The following CEP290 variants were observed in gnomAD, a reference collection of about 807,000 sequenced individuals.
The protein encoded by CEP290 is centrosomal protein 290.
CEP290 carries 317 observed loss-of-function variants against 344.9 expected under a neutral mutation model. That is an observed-to-expected ratio of 0.92 (90% CI 0.84 to 1.01). The LOEUF is 1.01. Among genes scored for constraint, CEP290 ranks in the 50% least tolerant of loss-of-function variants. CEP290 has a pLI of 0.00. For synonymous variants in CEP290, 932 were observed against 895.8 expected, an observed-to-expected ratio of 1.04 and a Z score of -0.72; for missense variants, 2,754 against 2,761.4, an observed-to-expected ratio of 1.00 and a Z score of 0.06.
chr12:88,119,713 C>T (rs1380950158), intron 15 of CEP290, among the ~76,000 whole-genome samples: 1 of 151,968 alleles, frequency 6.6e-6, no homozygotes, highest in African/African-American at 2.4e-5. Flanking sequence ...GCAGGAGAAT[C>T]ACAACACAGA....
At chr12:88,119,390 TTAAAA>T (rs1458027435) in intron 15 of CEP290, among the ~76,000 whole-genome samples, 2 of 152,166 alleles carry the variant, frequency 1.3e-5, no homozygotes, top group East Asian at 3.9e-4. Context: ...AGGCTATTTA[TTAAAA>T]TAAATATATA....
intron 44 of CEP290, among the ~76,000 whole-genome samples, chr12:88,064,754 G>A (rs896741844): frequency 3.9e-5 from 6 of 152,082 alleles, no homozygotes; most frequent in Non-Finnish European, 7.4e-5. Context: ...ATTGTGCAGA[G>A]GAAATCAACC....
intron 13 of CEP290, among the ~76,000 whole-genome samples, chr12:88,123,495 TTC>T (rs1471437565): frequency 3.3e-5 from 5 of 152,096 alleles, no homozygotes; most frequent in African/African-American, 1.2e-4. Context: ...AAGCAGTTGT[TTC>T]TTCTTCCTTG....
At chr12:88,141,130 AAAAT>A in intron 2 of CEP290, 72 bp downstream of exon 2, 1 of 1,311,240 alleles carries the variant, frequency 7.6e-7, no homozygotes, top group Non-Finnish European at 1.0e-6. Context: ...GTCCCTGAAA[AAAAT>A]AAATTCATAT....
intron 41 of CEP290, 78 bp from the exon 42 acceptor site, chr12:88,072,004 G>A (rs2035414737): frequency 1.5e-6 from 2 of 1,304,950 alleles, no homozygotes; most frequent in Non-Finnish European, 2.0e-6. Context: ...ATTATAATTT[G>A]CCTAGAAAAA....
chr12:88,096,762 C>T (rs933734131), intron 27 of CEP290, 126 bp downstream of exon 27: 2 of 562,748 alleles, frequency 3.6e-6, no homozygotes, highest in African/African-American at 3.9e-5. Context: ...AATTATTAGG[C>T]AGAAAGTTCT....
intron 18 of CEP290, among the ~76,000 whole-genome samples, chr12:88,116,545 GT>G (rs1228331923): frequency 6.6e-6 from 1 of 152,144 alleles, no homozygotes; most frequent in Non-Finnish European, 1.5e-5. Flanking sequence ...TGTATTCAGA[GT>G]AAATAATGTC....
intron 25 of CEP290, chr12:88,103,728 T>C (rs2137557069): frequency 6.6e-6 from 1 of 151,914 alleles, no homozygotes; most frequent in Non-Finnish European, 1.5e-5. Context: ...TAATCAAATT[T>C]ATGAATGAGG....
chr12:88,071,871 A>T lies in CEP290; in HGVS notation c.5765T>A (p.Ile1922Lys), dbSNP rs530342996. 2 of 1,603,974 alleles carry T rather than the reference A, an allele frequency of 1.2e-6. No homozygotes were observed. Among genetic ancestry groups the T allele is most frequent in the African/African-American group, 2.7e-5 (2 of 74,552 alleles). The change falls in exon 42 of 54, where the codon ATA becomes AAA. Residue 1922 changes from isoleucine (I) to lysine (K), a missense_variant. Ile to Lys is a moderately radical substitution (Grantham distance 102). Coordinates refer to ENST00000552810, the MANE Select transcript of CEP290 (RefSeq NM_025114.4). ...TTTTAACTTGTTTCGAATTCCTTCT[A>T]TTTTGGCTTGCCACTTTTTACCTTC... ...WEEGKKWQAK[I>K]EGIRNKLKEK...
rs2038492389 is a variant in CEP290 at position 88,109,095 on chromosome 12, T to C, written c.2454A>G (p.Gln818=). 3.5e-6 allele frequency: 5 copies of C among 1,434,924 alleles called. No individual in the cohort carries two copies. The highest frequency in any genetic ancestry group is 1.4e-5 in the South Asian group (1 of 69,660). The allele number at this position is 1,434,924 out of a possible 1,614,324, so 88.9% of individuals were successfully genotyped here. The change falls in exon 23 of 54, where the codon CAA becomes CAG. Residue 818 remains glutamine (Q), a synonymous_variant. Transcript: ENST00000552810. ...YNRKFAVIRH[Q]QSLLYKEYLS... is the part of the protein sequence containing the mutation. ...GGTATTCTTTATACAACAAACTTTG[T>C]TGATGACGAATTACAGCAAATTTTC...
chr12:88,115,198 A>G lies in CEP290; in HGVS notation c.1825-16T>C. ...GAAATTCATTCTGAAAAAAGCAGAG[A>G]GAATAAAATTGATTTTTTTCAACAA... On this transcript the variant is annotated splice_polypyrimidine_tract_variant and intron_variant, in intron 18 of 53. Transcript: ENST00000552810. The G allele has an allele frequency of 7.7e-7, 1 of 1,297,210 alleles. No individual in the cohort carries two copies. Among genetic ancestry groups the G allele is most frequent in the Non-Finnish European group, 1.1e-6 (1 of 933,632 alleles). 80.4% of individuals were successfully genotyped at this position (1,297,210 alleles called of 1,614,324 possible).
At chr12:88,123,022 T>C (rs893310979) in intron 13 of CEP290, among the ~76,000 whole-genome samples, 14 of 152,114 alleles carry the variant, frequency 9.2e-5, no homozygotes, top group Admixed American at 9.2e-4. Flanking sequence ...ATTACCAGGA[T>C]GTCTACCAAG....
intron 25 of CEP290, among the ~76,000 whole-genome samples, chr12:88,105,644 A>G (rs2038217062): frequency 6.6e-6 from 1 of 152,246 alleles, no homozygotes; most frequent in South Asian, 2.1e-4. Context: ...GGACTGACAA[A>G]TAATTTGTTA....
At chr12:88,052,124 C>T (rs1191420985) in intron 52 of CEP290, among the ~76,000 whole-genome samples, 2 of 152,160 alleles carry the variant, frequency 1.3e-5, no homozygotes, top group Non-Finnish European at 2.9e-5. Context: ...TCTAGTACAA[C>T]TCACACATGA....
At chr12:88,081,962 G>T (rs1269410354) in intron 37 of CEP290, among the ~76,000 whole-genome samples, 1 of 152,134 alleles carries the variant, frequency 6.6e-6, no homozygotes, top group Non-Finnish European at 1.5e-5. Flanking sequence ...CTTTCTTTTA[G>T]AGAGTAATTT....
chr12:88,085,543 T>G (rs1175563824), intron 34 of CEP290, among the ~76,000 whole-genome samples: 1 of 152,066 alleles, frequency 6.6e-6, no homozygotes, highest in African/African-American at 2.4e-5. Context: ...GAAAACACAT[T>G]CAGTTTACAT....
intron 34 of CEP290, among the ~76,000 whole-genome samples, chr12:88,085,486 T>G (rs1048193061): frequency 6.6e-6 from 1 of 152,244 alleles, no homozygotes; most frequent in East Asian, 1.9e-4. Flanking sequence ...AACTTCTTTA[T>G]GTATATTTTA....
At position 88,131,229 on chromosome 12, in the gene CEP290, A is replaced by G. The variant is rs746416947; in HGVS notation, c.442-11T>C. The G allele has an allele frequency of 1.9e-6, 1 of 521,602 alleles. No individual in the cohort carries two copies. The highest frequency in any genetic ancestry group is 7.8e-5 in the East Asian group (1 of 12,846). The allele number at this position is 521,602 out of a possible 1,614,324, so 32.3% of individuals were successfully genotyped here. On this transcript the variant is annotated splice_polypyrimidine_tract_variant and intron_variant, in intron 6 of 53. Coordinates refer to ENST00000552810, the MANE Select transcript of CEP290 (RefSeq NM_025114.4). ...ATTTCGAAGAGCCAACTAAAATAGT[A>G]AAAAAAAAAAATAAATAAGAAGAAG...
chr12:88,049,060 C>CTAAG lies in CEP290; in HGVS notation c.*120_*123dup. On this transcript the variant is annotated 3_prime_UTR_variant, in exon 54 of 54. Transcript: ENST00000552810. ...AATTTTATTTATTAAGAATTCCAAT[C>CTAAG]TAAGTATAAAGGTACAAGGTAGTGA... 2.1e-6 allele frequency: 1 copy of CTAAG among 476,582 alleles called. No individual in the cohort carries two copies. Among genetic ancestry groups the CTAAG allele is most frequent in the Non-Finnish European group, 3.7e-6 (1 of 270,132 alleles). 29.5% of individuals were successfully genotyped at this position (476,582 alleles called of 1,614,324 possible).
Sources: allele counts gnomAD v4.1 joint callset (sites outside exome capture counted in the v4.1 genomes callset), GRCh38; gene constraint gnomAD v4.1.1; transcripts MANE v1.5; gene names NCBI Gene and HGNC (gene_info 2026-07-23, HGNC 2026-07-21).